Variants in SVOPL observed in about 807,000 individuals in gnomAD.
SVOPL encodes SVOP like.
SVOPL carries 60 observed loss-of-function variants against 61.0 expected under a neutral mutation model. The observed-to-expected ratio is 0.98, with a 90% CI of 0.80 to 1.22. The LOEUF is 1.22. Ranked by LOEUF, SVOPL falls within the 50% of genes most tolerant of loss-of-function variation. SVOPL has a pLI of 0.00. For synonymous variants in SVOPL, 279 were observed against 250.0 expected (o/e 1.12, Z -1.09); for missense variants, 662 against 643.9 (o/e 1.03, Z -0.30).
intron 13 of SVOPL, 51 bp from the exon 14 acceptor site, chr7:138,621,186 C>T (rs776208605): frequency 6.6e-6 from 10 of 1,526,502 alleles, no homozygotes; most frequent in Admixed American, 3.8e-5. Context: ...CGTCCTTCCC[C>T]GAGCCCTCCT....
At chr7:138,609,595 G>T (rs1798903963) in intron 14 of SVOPL, among the ~76,000 whole-genome samples, 1 of 151,962 alleles carries the variant, frequency 6.6e-6, no homozygotes, top group Non-Finnish European at 1.5e-5. Context: ...GGAAGTTGAG[G>T]TGGCAATAAG....
intron 13 of SVOPL, among the ~76,000 whole-genome samples, 159 bp from the exon 14 acceptor site, chr7:138,621,294 A>G (rs1441939179): frequency 6.6e-6 from 1 of 152,224 alleles, no homozygotes; most frequent in Non-Finnish European, 1.5e-5. Flanking sequence ...CAGGTACACA[A>G]CTTTGAATTT....
chr7:138,668,300 A>G (rs895014454), intron 4 of SVOPL, among the ~76,000 whole-genome samples: 1 of 152,164 alleles, frequency 6.6e-6, no homozygotes, highest in Non-Finnish European at 1.5e-5. Context: ...GATTTGAATA[A>G]CAATAAAACT....
At chr7:138,662,463 C>G in intron 5 of SVOPL, 1 of 985,392 alleles carries the variant, frequency 1.0e-6, no homozygotes, top group Non-Finnish European at 1.2e-6. Flanking sequence ...ACTTTATGGA[C>G]ACTCACTCAT....
At chr7:138,597,187 T>C (rs1437907917) in intron 14 of SVOPL, 2 of 1,289,048 alleles carry the variant, frequency 1.6e-6, no homozygotes, top group Non-Finnish European at 2.0e-6. Flanking sequence ...GTGTTCTTGA[T>C]AGTTCTCCAT....
At chr7:138,651,052 T>C (rs1801408857) in intron 7 of SVOPL, among the ~76,000 whole-genome samples, 1 of 151,076 alleles carries the variant, frequency 6.6e-6, no homozygotes, top group Non-Finnish European at 1.5e-5. Flanking sequence ...TGAGGAGGGA[T>C]TGAGAGCACC....
chr7:138,664,725 C>T (rs963062265), intron 4 of SVOPL, among the ~76,000 whole-genome samples: 5 of 150,912 alleles, frequency 3.3e-5, no homozygotes, highest in Non-Finnish European at 5.9e-5. Flanking sequence ...ATGGGTGTGC[C>T]GCTGACCCCT....
chr7:138,662,572 G>A (rs542152018), intron 5 of SVOPL: 1 of 986,330 alleles, frequency 1.0e-6, no homozygotes, highest in Admixed American at 6.1e-5. Flanking sequence ...TCCCAATAGG[G>A]CTGCTCTGAA....
intron 11 of SVOPL, 87 bp downstream of exon 11, chr7:138,628,071 T>C (rs781640001): frequency 4.5e-5 from 66 of 1,470,332 alleles, no homozygotes; most frequent in Non-Finnish European, 5.9e-5. Flanking sequence ...AGGAGCGGTG[T>C]CACAGGGTCA....
At chr7:138,654,751 C>T (rs1801626542) in intron 7 of SVOPL, among the ~76,000 whole-genome samples, 1 of 151,788 alleles carries the variant, frequency 6.6e-6, no homozygotes, top group African/African-American at 2.4e-5. Flanking sequence ...CATCCCAACA[C>T]TTTGGAAGGC....
rs112138365 is a variant in SVOPL, at chr7:138,692,306, G to A, written c.-35+8872C>T. Among the ~76,000 whole-genome samples, 733 of 152,254 alleles carry A rather than the reference G, an allele frequency of 4.8e-3. 4 individuals are homozygous for A. Among genetic ancestry groups the A allele is most frequent in the African/African-American group, 0.017 (697 of 41,558 alleles). ...CTGAGAAGACTACAAGCAGTATCACGTTGTTTAAATAGTGAGAAAGGAGTA... is the reference window on the plus strand; with the variant it reads ...CTGAGAAGACTACAAGCAGTATCACATTGTTTAAATAGTGAGAAAGGAGTA... On this transcript the variant is annotated intron_variant, in intron 1 of 15. Transcript: ENST00000674285.
chr7:138,699,283 G>A (rs1803139064), intron 1 of SVOPL, among the ~76,000 whole-genome samples: 1 of 152,052 alleles, frequency 6.6e-6, no homozygotes, highest in South Asian at 2.1e-4. Context: ...CATCCTGGGC[G>A]ACAACAGCGA....
intron 14 of SVOPL, among the ~76,000 whole-genome samples, chr7:138,603,776 C>G (rs896858379): frequency 5.3e-5 from 8 of 151,938 alleles, no homozygotes; most frequent in African/African-American, 1.9e-4. Flanking sequence ...TGTATTATAC[C>G]CTCCAATGAA....
chr7:138,618,704 A>C (rs1446609304), intron 14 of SVOPL, among the ~76,000 whole-genome samples: 6 of 144,062 alleles, frequency 4.2e-5, no homozygotes, highest in South Asian at 2.2e-4. Flanking sequence ...ACGCGTGCAC[A>C]CGCGCGAGAG....
Position 138,679,126 on chromosome 7 carries a change from T to A in SVOPL, c.-34-47A>T, listed in dbSNP as rs188283599. Reference sequence around the variant, plus strand: ...AGAAGGAAAGAAATATAATGGTTATTGGATAGTTAGTATATGCCAGGCACA... The same window carrying A: ...AGAAGGAAAGAAATATAATGGTTATAGGATAGTTAGTATATGCCAGGCACA... On this transcript the variant is annotated intron_variant, in intron 1 of 15. Transcript: ENST00000674285. 1.5e-4 allele frequency: 207 copies of A among 1,347,952 alleles called. 1 individual carries two copies. The East Asian group carries it at 4.0e-3, about 26-fold the overall frequency. 83.5% of individuals were successfully genotyped at this position (1,347,952 alleles called of 1,614,324 possible).
intron 6 of SVOPL, among the ~76,000 whole-genome samples, chr7:138,657,030 C>A (rs557150533): frequency 1.7e-3 from 252 of 148,172 alleles, no homozygotes; most frequent in Non-Finnish European, 2.8e-3. Context: ...GAGCGAAACT[C>A]CATGTTGAAA....
chr7:138,610,553 T>C (rs1159491975), intron 14 of SVOPL, among the ~76,000 whole-genome samples: 2 of 152,224 alleles, frequency 1.3e-5, no homozygotes, highest in African/African-American at 4.8e-5. Flanking sequence ...GTGGTCAAAA[T>C]TGCCCTTGGG....
At chr7:138,638,571 G>A (rs151076021) in intron 9 of SVOPL, among the ~76,000 whole-genome samples, 75 of 152,038 alleles carry the variant, frequency 4.9e-4, no homozygotes, top group African/African-American at 1.6e-3. Flanking sequence ...CTCCCGCTGG[G>A]TGACAGGGTG....
intron 4 of SVOPL, among the ~76,000 whole-genome samples, chr7:138,668,281 AG>A (rs1354053141): frequency 2.6e-5 from 4 of 152,156 alleles, no homozygotes; most frequent in Non-Finnish European, 5.9e-5. Flanking sequence ...CCAAATGCTC[AG>A]GGAGACTGAT....
Sources: allele counts gnomAD v4.1 joint callset (sites outside exome capture counted in the v4.1 genomes callset), GRCh38; gene constraint gnomAD v4.1.1; transcripts MANE v1.5; gene names NCBI Gene and HGNC (gene_info 2026-07-23, HGNC 2026-07-21).